Variants in CNTNAP2 observed in about 807,000 individuals in gnomAD.
CNTNAP2 encodes the protein contactin-associated protein-like 2.
CNTNAP2 carries 98 observed loss-of-function variants against 155.2 expected under a neutral mutation model. The ratio of observed to expected loss-of-function variants is 0.63; its 90% CI spans 0.54 to 0.75. The LOEUF is 0.75. CNTNAP2 is among the 30% of genes least tolerant of loss of function. CNTNAP2 has a pLI of 0.00. For synonymous variants in CNTNAP2, 651 were observed against 631.2 expected (o/e 1.03, Z -0.47); for missense variants, 1,727 against 1,688.1 (o/e 1.02, Z -0.40).
At chr7:147,981,146 G>A (rs1003008365) in intron 15 of CNTNAP2, among the ~76,000 whole-genome samples, 10 of 152,128 alleles carry the variant, frequency 6.6e-5, no homozygotes, top group African/African-American at 2.4e-4. Flanking sequence ...GCAAATTTCT[G>A]AGCATACTTT....
chr7:148,371,189 C>G (rs1341155068), intron 21 of CNTNAP2, among the ~76,000 whole-genome samples: 1 of 152,082 alleles, frequency 6.6e-6, no homozygotes, highest in Non-Finnish European at 1.5e-5. Flanking sequence ...TGAGGGGTTG[C>G]TGGAAAACAA....
At chr7:146,996,109 T>C (rs546024817) in intron 3 of CNTNAP2, among the ~76,000 whole-genome samples, 11 of 152,266 alleles carry the variant, frequency 7.2e-5, no homozygotes, top group African/African-American at 2.4e-4. Context: ...GATTTAGTTT[T>C]ATTCTCTGCA....
intron 9 of CNTNAP2, among the ~76,000 whole-genome samples, chr7:147,345,255 T>C (rs944768053): frequency 1.3e-5 from 2 of 152,216 alleles, no homozygotes; most frequent in African/African-American, 4.8e-5. Context: ...TGTTTACTTT[T>C]ATTTGTACTC....
At position 147,654,808 on chromosome 7, in the gene CNTNAP2, CTTTTT is replaced by C. The variant is rs1186575442; in HGVS notation, c.2098+15521_2098+15525del. On this transcript the variant is annotated intron_variant, in intron 13 of 23. Coordinates refer to ENST00000361727, the MANE Select transcript of CNTNAP2 (RefSeq NM_014141.6). ...AGCTATAGCCTAGCAAAATATATTT[CTTTTT>C]TTTTTTTTTTTTTTTTTTGAGACTG... Among the ~76,000 whole-genome samples the C allele has an allele frequency of 7.1e-3, 688 of 97,278 alleles. 3 individuals are homozygous for C. Among genetic ancestry groups the C allele is most frequent in the African/African-American group, 0.029 (653 of 22,476 alleles). 63.8% of individuals were successfully genotyped at this position (97,278 alleles called of 152,430 possible).
chr7:147,303,158 T>C (rs1165533123), intron 9 of CNTNAP2, among the ~76,000 whole-genome samples: 1 of 152,214 alleles, frequency 6.6e-6, no homozygotes, highest in Non-Finnish European at 1.5e-5. Context: ...CAAGGCTGGG[T>C]GTGTCTCTAA....
At chr7:146,274,211 G>A (rs1800129027) in intron 1 of CNTNAP2, among the ~76,000 whole-genome samples, 1 of 152,180 alleles carries the variant, frequency 6.6e-6, no homozygotes, top group Non-Finnish European at 1.5e-5. Context: ...TCCAAGTCAA[G>A]CACAATGCTG....
At chr7:148,333,450 A>C (rs1206784608) in intron 21 of CNTNAP2, among the ~76,000 whole-genome samples, 1 of 144,022 alleles carries the variant, frequency 6.9e-6, no homozygotes, top group African/African-American at 2.5e-5. Context: ...AAAAACACTC[A>C]TTTTTTAGGT....
At chr7:147,246,619 G>A (rs953448642) in intron 8 of CNTNAP2, among the ~76,000 whole-genome samples, 3 of 152,120 alleles carry the variant, frequency 2.0e-5, no homozygotes, top group Admixed American at 6.5e-5. Context: ...CCTCCCAAGA[G>A]TCCTGCCTCC....
chr7:147,176,775 A>C (rs937716436), intron 8 of CNTNAP2, among the ~76,000 whole-genome samples: 5 of 121,598 alleles, frequency 4.1e-5, no homozygotes, highest in Admixed American at 3.8e-4. Flanking sequence ...ATATAGAATT[A>C]TATATAATTA....
chr7:147,355,294 G>C (rs368430803), intron 9 of CNTNAP2, among the ~76,000 whole-genome samples: 1 of 152,104 alleles, frequency 6.6e-6, no homozygotes, highest in Admixed American at 6.6e-5. Flanking sequence ...CTAAAGCACT[G>C]TTGAGAGGGA....
intron 10 of CNTNAP2, among the ~76,000 whole-genome samples, chr7:147,443,345 T>C (rs1797676453): frequency 6.6e-6 from 1 of 152,146 alleles, no homozygotes; most frequent in Admixed American, 6.5e-5. Context: ...GCTGTCTCTC[T>C]CCTCAGCACA....
At chr7:147,562,307 G>A (rs200568890) in intron 12 of CNTNAP2, 50 bp downstream of exon 12, 115 of 1,609,240 alleles carry the variant, frequency 7.1e-5, no homozygotes, top group Middle Eastern at 6.2e-4. Flanking sequence ...TATATGTCAC[G>A]AATAAGTAGT....
At chr7:148,074,809 G>A (rs1803453409) in intron 15 of CNTNAP2, among the ~76,000 whole-genome samples, 1 of 152,052 alleles carries the variant, frequency 6.6e-6, no homozygotes, top group African/African-American at 2.4e-5. Flanking sequence ...CTTTTAGATA[G>A]TTTACAGGCC....
intron 10 of CNTNAP2, among the ~76,000 whole-genome samples, chr7:147,478,351 C>A (rs1798358897): frequency 6.6e-6 from 1 of 152,054 alleles, no homozygotes; most frequent in Admixed American, 6.6e-5. Context: ...CGAGGTTTCA[C>A]CATGTTGGTC....
At chr7:147,500,513 A>G (rs1295289677) in intron 11 of CNTNAP2, among the ~76,000 whole-genome samples, 2 of 152,132 alleles carry the variant, frequency 1.3e-5, no homozygotes, top group African/African-American at 4.8e-5. Flanking sequence ...AATGCCACCG[A>G]CCAGGTGCTT....
intron 3 of CNTNAP2, among the ~76,000 whole-genome samples, chr7:146,953,587 CT>C (rs1319398651): frequency 3.3e-5 from 5 of 151,826 alleles, no homozygotes; most frequent in Non-Finnish European, 7.4e-5. Context: ...AAAACAATAC[CT>C]CTTGCATCAT....
chr7:148,267,040 A>G lies in CNTNAP2; in HGVS notation c.3389A>G (p.His1130Arg). ...CTTGTTTTCCTCCTGCAGCTCGATC[A>G]TTATCCTTCTGTGAGTTACCATCTG... ...HEKTIFLKLDHYPSVSYHLPS... is the reference protein window; with the variant it reads ...HEKTIFLKLDRYPSVSYHLPS... Residue 1130 changes from histidine to arginine, a missense_variant, in exon 21 of 24, where the codon CAT (histidine) becomes CGT (arginine). Physicochemically the swap from His to Arg is conservative, Grantham distance 29 (BLOSUM62 0). Coordinates refer to ENST00000361727, the MANE Select transcript of CNTNAP2 (RefSeq NM_014141.6). The G allele has an allele frequency of 1.2e-6, 2 of 1,614,110 alleles. No individual in the cohort carries two copies. Among genetic ancestry groups the G allele is most frequent in the Non-Finnish European group, 1.7e-6 (2 of 1,179,986 alleles).
chr7:146,411,337 T>C (rs1286171469), intron 1 of CNTNAP2, among the ~76,000 whole-genome samples: 1 of 151,976 alleles, frequency 6.6e-6, no homozygotes, highest in Non-Finnish European at 1.5e-5. Context: ...TTTGTGTTTT[T>C]AGTAGAGACG....
chr7:147,402,764 C>T (rs1015355478), intron 10 of CNTNAP2, among the ~76,000 whole-genome samples: 2 of 151,998 alleles, frequency 1.3e-5, no homozygotes, highest in African/African-American at 4.8e-5. Context: ...CCCTTTACTT[C>T]AGCATGCCAT....
Sources: allele counts gnomAD v4.1 joint callset (sites outside exome capture counted in the v4.1 genomes callset), GRCh38; gene constraint gnomAD v4.1.1; transcripts MANE v1.5; gene names NCBI Gene and HGNC (gene_info 2026-07-23, HGNC 2026-07-21).